PELO: variants seen among roughly 807,000 people sequenced by gnomAD.
PELO encodes the protein pelota mRNA surveillance and ribosome rescue factor.
A neutral mutation model predicts 25.9 loss-of-function variants in PELO; 19 were observed. The ratio of observed to expected loss-of-function variants is 0.73; its 90% confidence interval spans 0.51 to 1.08. The LOEUF (loss-of-function observed/expected upper bound fraction) is 1.08. Ranked by LOEUF, PELO falls within the 50% of genes least tolerant of loss-of-function variation. The probability of loss-of-function intolerance (pLI) is 0.00; values close to 1 mark genes in which losing one functional copy is unlikely to be tolerated. For missense variants in PELO, 498 were observed against 491.4 expected (o/e 1.01, Z -0.13); for synonymous variants, 196 against 192.2 (o/e 1.02, Z -0.16).
rs1177504997 is a variant in PELO, at chr5:52,802,709, A to G, written c.*869A>G. On this transcript the variant is annotated 3_prime_UTR_variant, in exon 3 of 3. Coordinates refer to ENST00000274311, the MANE Select transcript of PELO (RefSeq NM_015946.5). ...TATTTATTTATTTTTTTGCTTGTCA[A>G]AGTTATACTTAATTCTGTTTTATAT... 6.6e-6 allele frequency: 1 copy of G among 152,138 alleles called. No individual in the cohort carries two copies. Among genetic ancestry groups the G allele is most frequent in the Non-Finnish European group, 1.5e-5 (1 of 68,030 alleles). The allele number at this position is 152,138 out of a possible 1,614,324, so 9.4% of individuals were successfully genotyped here.
At chr5:52,788,476 G>C in intron 1 of PELO, 62 bp downstream of exon 1, 2 of 1,349,954 alleles carry the variant, frequency 1.5e-6, no homozygotes, top group Non-Finnish European at 1.9e-6. Flanking sequence ...GGAGCGGGGA[G>C]GGAGGTCCTC....
chr5:52,802,846 C>G lies in PELO; in HGVS notation c.*1006C>G, dbSNP rs1449451119. 1.3e-5 allele frequency: 2 copies of G among 152,170 alleles called. No individual in the cohort carries two copies. Among genetic ancestry groups the G allele is most frequent in the Non-Finnish European group, 2.9e-5 (2 of 68,034 alleles). The allele number at this position is 152,170 out of a possible 1,614,324, so 9.4% of individuals were successfully genotyped here. A position where few individuals can be genotyped will look rare whatever the true frequency, so the allele number is the denominator to read the frequency against. On this transcript the variant is annotated 3_prime_UTR_variant, in exon 3 of 3. Transcript: ENST00000274311. The stretch of plus-strand genomic sequence containing the variant: ...ACTAGTATGTGGCAGTTGACTTAAA[C>G]TCCAATACTCTTTACTATCATTGAC...
chr5:52,802,682 A>G lies in PELO; in HGVS notation c.*842A>G, dbSNP rs1748513271. The G allele has an allele frequency of 6.6e-6, 1 of 152,100 alleles. No homozygotes were observed. Among genetic ancestry groups the G allele is most frequent in the Non-Finnish European group, 1.5e-5 (1 of 68,016 alleles). 9.4% of individuals were successfully genotyped at this position (152,100 alleles called of 1,614,324 possible). ...AGTTCTTTGCGCCAAAACATGCTAT[A>G]TTATTTATTTATTTTTTTGCTTGTC... On this transcript the variant is annotated 3_prime_UTR_variant, in exon 3 of 3. Coordinates refer to ENST00000274311, the MANE Select transcript of PELO (RefSeq NM_015946.5).
Position 52,800,417 on chromosome 5 carries a change from T to G in PELO, c.23T>G (p.Ile8Ser). 1.2e-6 allele frequency: 2 copies of G among 1,613,934 alleles called. No individual in the cohort carries two copies. Among genetic ancestry groups the G allele is most frequent in the Non-Finnish European group, 1.7e-6 (2 of 1,180,002 alleles). ...GCCATGAAGCTCGTGAGGAAGAACA[T>G]CGAGAAGGACAATGCGGGCCAGGTG... MKLVRKN[I>S]EKDNAGQVTL... The change falls in exon 2 of 3, where the codon ATC (isoleucine) becomes AGC (serine). Residue 8 changes from isoleucine (I) to serine (S), a missense_variant. Coordinates refer to ENST00000274311, the MANE Select transcript of PELO (RefSeq NM_015946.5).
Position 52,803,915 on chromosome 5 carries a change from A to G in PELO, c.*2075A>G, listed in dbSNP as rs368285944. The G allele has an allele frequency of 3.9e-5, 6 of 152,238 alleles. No homozygotes were observed. The highest frequency in any genetic ancestry group is 1.4e-4 in the African/African-American group (6 of 41,462). The allele number at this position is 152,238 out of a possible 1,614,324, so 9.4% of individuals were successfully genotyped here. On this transcript the variant is annotated 3_prime_UTR_variant, in exon 3 of 3. Coordinates refer to ENST00000274311, the MANE Select transcript of PELO (RefSeq NM_015946.5). ...TCTGGCAGGGGTCCCCAGTCAGGAAAAAGATTTGAGTATTAAGGTCTTTCA... is the reference window on the plus strand; with the variant it reads ...TCTGGCAGGGGTCCCCAGTCAGGAAGAAGATTTGAGTATTAAGGTCTTTCA...
In PELO at chr5:52,800,978, G is replaced by C; in HGVS notation, c.584G>C (p.Arg195Pro). 6.2e-7 allele frequency: 1 copy of C among 1,614,184 alleles called. No individual in the cohort carries two copies. Among genetic ancestry groups the C allele is most frequent in the Non-Finnish European group, 8.5e-7 (1 of 1,180,038 alleles). ...GAACAGGTGGTCCAGGCTATCCAGC[G>C]CCACATACACTTTGATGTTGTAAAG... ...FYEQVVQAIQ[R>P]HIHFDVVKCI... The change falls in exon 2 of 3, where the codon CGC (arginine) becomes CCC (proline). Residue 195 changes from arginine to proline, a missense_variant. Coordinates refer to ENST00000274311, the MANE Select transcript of PELO (RefSeq NM_015946.5).
chr5:52,791,575 G>A (rs1034080007), intron 1 of PELO, among the ~76,000 whole-genome samples: 3 of 152,066 alleles, frequency 2.0e-5, no homozygotes, highest in Non-Finnish European at 4.4e-5. Flanking sequence ...GAGAACAAAG[G>A]GCAAGACAAT....
intron 1 of PELO, among the ~76,000 whole-genome samples, chr5:52,791,449 T>A (rs6878212): frequency 0.26 from 39,846 of 151,994 alleles, 5,555 homozygotes; most frequent in Non-Finnish European, 0.31. Context: ...GTGACAAAAT[T>A]GAAGCCCAGC....
intron 1 of PELO, among the ~76,000 whole-genome samples, chr5:52,790,539 CA>C (rs1390569021): frequency 6.6e-6 from 1 of 152,214 alleles, no homozygotes; most frequent in East Asian, 1.9e-4. Flanking sequence ...AGCCTCTGGC[CA>C]CCACCTGCAT....
In PELO at chr5:52,788,895, C is replaced by T. The variant is rs112931725; in HGVS notation, c.-511+481C>T. On this transcript the variant is annotated intron_variant, in intron 1 of 2. Transcript: ENST00000274311. The stretch of plus-strand genomic sequence containing the variant: ...ATTTAGGCTTTTTTCCCATGCAGAA[C>T]AAGAAAAGGCAGGGATGCAAGACGA... 2.5e-3 allele frequency among the ~76,000 whole-genome samples: 377 copies of T among 152,012 alleles called. 5 individuals carry two copies. The highest frequency in any genetic ancestry group is 8.8e-3 in the African/African-American group (364 of 41,432).
At chr5:52,801,348 GA>G in intron 2 of PELO, 60 bp from the exon 3 acceptor site, 1 of 1,415,902 alleles carries the variant, frequency 7.1e-7, no homozygotes, top group Non-Finnish European at 9.7e-7. Flanking sequence ...AAGCCTTTGT[GA>G]GCTGATTAAT....
At position 52,801,935 on chromosome 5, in the gene PELO, C is replaced by G. The variant is rs1748497374; in HGVS notation, c.*95C>G. On this transcript the variant is annotated 3_prime_UTR_variant, in exon 3 of 3. Transcript: ENST00000274311. ...GTGACAGAAAGCTGCAAGAATGGCA[C>G]TTTTTGATTCATACAGGGATTTCTT... The G allele has an allele frequency of 1.2e-6, 1 of 850,730 alleles. No individual in the cohort carries two copies. Among genetic ancestry groups the G allele is most frequent in the Non-Finnish European group, 1.8e-6 (1 of 560,262 alleles). The allele number at this position is 850,730 out of a possible 1,614,324, so 52.7% of individuals were successfully genotyped here. A position where few individuals can be genotyped will look rare whatever the true frequency, so the allele number is the denominator to read the frequency against.
chr5:52,788,350 G>A lies in PELO; in HGVS notation c.-575G>A, dbSNP rs775293472. The A allele has an allele frequency of 6.6e-7, 1 of 1,506,628 alleles. No individual in the cohort carries two copies. Among genetic ancestry groups the A allele is most frequent in the Admixed American group, 2.1e-5 (1 of 47,352 alleles). The allele number at this position is 1,506,628 out of a possible 1,614,324, so 93.3% of individuals were successfully genotyped here. A position where few individuals can be genotyped will look rare whatever the true frequency, so the allele number is the denominator to read the frequency against. ...GGCCCCCTGGCGCTGAGGCTGCTCC[G>A]GCCATGGCCCCTCGGCCCCGCGCCC... On this transcript the variant is annotated 5_prime_UTR_variant, in exon 1 of 3. Transcript: ENST00000274311.
rs1260040770 is a variant in PELO at position 52,795,175 on chromosome 5, A to AGT, written c.-510-4709_-510-4708dup. ...TTAATTTTTGCATACTAAAAATATGAGTATGTGCCACTTGTTATGCTGTGT... is the reference window on the plus strand; with the variant it reads ...TTAATTTTTGCATACTAAAAATATGAGTGTATGTGCCACTTGTTATGCTGTGT... On this transcript the variant is annotated intron_variant, in intron 1 of 2. Coordinates refer to ENST00000274311, the MANE Select transcript of PELO (RefSeq NM_015946.5). 2.0e-5 allele frequency among the ~76,000 whole-genome samples: 3 copies of AGT among 151,970 alleles called. No individual in the cohort carries two copies. In the East Asian group the frequency reaches 5.8e-4, roughly 29 times the overall value.
At chr5:52,797,475 A>C (rs1435220769) in intron 1 of PELO, among the ~76,000 whole-genome samples, 1 of 152,038 alleles carries the variant, frequency 6.6e-6, no homozygotes, top group Non-Finnish European at 1.5e-5. Flanking sequence ...AAAAAAAAAA[A>C]CTATGTAGAA....
At chr5:52,793,618 T>C (rs566915074) in intron 1 of PELO, among the ~76,000 whole-genome samples, 64 of 152,202 alleles carry the variant, frequency 4.2e-4, no homozygotes, top group Middle Eastern at 3.4e-3. Context: ...TTCTATTTGT[T>C]TGGACACTTA....
intron 1 of PELO, among the ~76,000 whole-genome samples, chr5:52,799,235 A>G (rs1748404708): frequency 6.6e-6 from 1 of 152,082 alleles, no homozygotes; most frequent in African/African-American, 2.4e-5. Flanking sequence ...CTCCATTTCC[A>G]CTTCCTAATA....
rs2111668625 is a variant in PELO at position 52,802,614 on chromosome 5, C to A, written c.*774C>A. 6.6e-6 allele frequency: 1 copy of A among 152,196 alleles called. No individual in the cohort carries two copies. Among genetic ancestry groups the A allele is most frequent in the South Asian group, 2.1e-4 (1 of 4,818 alleles). 9.4% of individuals were successfully genotyped at this position (152,196 alleles called of 1,614,324 possible). A position where few individuals can be genotyped will look rare whatever the true frequency, so the allele number is the denominator to read the frequency against. On this transcript the variant is annotated 3_prime_UTR_variant, in exon 3 of 3. Transcript: ENST00000274311. ...AGTATGTGATTTGCTTGTTATGTGG[C>A]TAATTAGTGGCAAAGCTGGAAGTCA...
intron 1 of PELO, 108 bp downstream of exon 1, chr5:52,788,522 T>A (rs1748173594): frequency 1.0e-6 from 1 of 972,694 alleles, no homozygotes. Flanking sequence ...AGAGCGCCCA[T>A]CCACTTTCGG....
Sources: gnomAD v4.1 joint callset for allele counts (sites outside exome capture counted in the v4.1 genomes callset) on GRCh38, gnomAD v4.1.1 for gene constraint, MANE v1.5 for transcripts, NCBI Gene and HGNC (gene_info 2026-07-23, HGNC 2026-07-21) for gene names.